The following RTN3 variants were observed in gnomAD, a reference collection of about 807,000 sequenced individuals.
The protein encoded by RTN3 is reticulon 3, also known as reticulon-3.
RTN3 carries 49 observed loss-of-function variants against 77.8 expected under a neutral mutation model. The observed-to-expected ratio is 0.63, with a 90% CI of 0.50 to 0.80. The LOEUF (loss-of-function observed/expected upper bound fraction) is 0.80. RTN3 is among the 30% of genes least tolerant of loss of function. The pLI is 0.00. For synonymous variants in RTN3, 464 were observed against 446.9 expected, an observed-to-expected ratio of 1.04 and a Z score of -0.48; for missense variants, 1,236 against 1,211.9, an observed-to-expected ratio of 1.02 and a Z score of -0.29.
chr11:63,728,277 A>G (rs1402241778), intron 3 of RTN3, among the ~76,000 whole-genome samples: 1 of 152,234 alleles, frequency 6.6e-6, no homozygotes, highest in Non-Finnish European at 1.5e-5. Flanking sequence ...CAGTGCCCAT[A>G]TGACTGAACT....
chr11:63,743,541 A>G (rs1356783173), intron 3 of RTN3, among the ~76,000 whole-genome samples: 1 of 152,146 alleles, frequency 6.6e-6, no homozygotes, highest in Admixed American at 6.5e-5. Context: ...TATTTTTTCA[A>G]AAGAAACACC....
rs138414329 is a variant in RTN3 at position 63,743,193 on chromosome 11, G to A, written c.2531-6798G>A. 2.4e-3 allele frequency among the ~76,000 whole-genome samples: 361 copies of A among 152,228 alleles called. 5 individuals carry two copies. Among genetic ancestry groups the A allele is most frequent in the African/African-American group, 8.1e-3 (335 of 41,566 alleles). On this transcript the variant is annotated intron_variant, in intron 3 of 8. Transcript: ENST00000377819. ...TGGGATTACAGGCATGAGCCACCGCGCCCAGCCTGTTTTTCTTGACTTAGT... is the reference window on the plus strand; with the variant it reads ...TGGGATTACAGGCATGAGCCACCGCACCCAGCCTGTTTTTCTTGACTTAGT...
chr11:63,719,266 C>T lies in RTN3; in HGVS notation c.764C>T (p.Ala255Val). ...ESPFEVIIDKAAFDKEFKDSY... is the reference protein window; with the variant it reads ...ESPFEVIIDKVAFDKEFKDSY... ...CCATTTGAAGTAATTATTGACAAAG[C>T]AGCATTTGACAAAGAATTTAAAGAC... is the stretch of plus-strand genomic sequence containing the variant. Residue 255 changes from alanine to valine, a missense_variant, in exon 3 of 9, where the codon GCA (alanine) becomes GTA (valine). Physicochemically the swap from Ala to Val is moderately conservative, Grantham distance 64. Coordinates refer to ENST00000377819, the MANE Select transcript of RTN3 (RefSeq NM_001265589.2). 1 of 1,613,982 alleles carries T rather than the reference C, an allele frequency of 6.2e-7. No homozygotes were observed. The highest frequency in any genetic ancestry group is 8.5e-7 in the Non-Finnish European group (1 of 1,179,882).
At chr11:63,752,237 CATGAAT>C (rs2014145048) in intron 4 of RTN3, among the ~76,000 whole-genome samples, 1 of 151,120 alleles carries the variant, frequency 6.6e-6, no homozygotes, top group African/African-American at 2.4e-5. Context: ...GATTTACCTT[CATGAAT>C]ATCCAATGAG....
At chr11:63,692,088 T>A (rs1659615717) in intron 1 of RTN3, among the ~76,000 whole-genome samples, 1 of 152,128 alleles carries the variant, frequency 6.6e-6, no homozygotes, top group Non-Finnish European at 1.5e-5. Context: ...AGTGGCGCGA[T>A]CTTGGCTCAC....
chr11:63,749,992 G>A lies in RTN3; in HGVS notation c.2532G>A (p.Val844=), dbSNP rs1376177408. 5 of 1,611,898 alleles carry A rather than the reference G, an allele frequency of 3.1e-6. No individual in the cohort carries two copies. The highest frequency in any genetic ancestry group is 1.1e-5 in the South Asian group (1 of 91,000). ...VLARLLTDFS[V]HDLIFWRDVK... ...TTATATTCCCTTTTCTTTTGTCAGT[G>A]CACGATCTGATTTTCTGGAGAGATG... The change falls in exon 4 of 9, where the codon GTG becomes GTA. Residue 844 remains valine (V), a splice_region_variant and synonymous_variant. Transcript: ENST00000377819.
chr11:63,685,824 A>G (rs905587647), intron 1 of RTN3, among the ~76,000 whole-genome samples: 1 of 152,148 alleles, frequency 6.6e-6, no homozygotes, highest in Admixed American at 6.6e-5. Context: ...ACAGAAAACA[A>G]TTTTGTCTTG....
intron 3 of RTN3, among the ~76,000 whole-genome samples, chr11:63,743,790 C>T (rs2013629800): frequency 6.6e-6 from 1 of 151,944 alleles, no homozygotes; most frequent in Non-Finnish European, 1.5e-5. Context: ...GTGGTGCGCG[C>T]TTGTAATCCC....
At chr11:63,711,397 TA>T (rs1409799961) in intron 2 of RTN3, among the ~76,000 whole-genome samples, 16 of 151,608 alleles carry the variant, frequency 1.1e-4, no homozygotes, top group Admixed American at 9.9e-4. Flanking sequence ...TTTTTTTTGT[TA>T]TTTTTTTTTG....
chr11:63,702,786 C>T (rs543410104), intron 1 of RTN3, among the ~76,000 whole-genome samples: 47 of 151,336 alleles, frequency 3.1e-4, no homozygotes, highest in Non-Finnish European at 5.3e-4. Flanking sequence ...CCTGGGTTCA[C>T]GCCATTCTCC....
intron 3 of RTN3, among the ~76,000 whole-genome samples, chr11:63,724,943 C>T (rs1265735986): frequency 6.7e-6 from 1 of 148,538 alleles, no homozygotes; most frequent in Non-Finnish European, 1.5e-5. Context: ...ATTACACAGT[C>T]ATTGAAGTTG....
chr11:63,758,289 G>T lies in RTN3; in HGVS notation c.*88G>T, dbSNP rs753862166. On this transcript the variant is annotated 3_prime_UTR_variant, in exon 9 of 9. Transcript: ENST00000377819. Reference sequence around the variant, plus strand: ...CTTGTACTATGAAGGAAAATACTCAGTGTCAGCTTGAGCCTGCATTCCAAG... The same window carrying T: ...CTTGTACTATGAAGGAAAATACTCATTGTCAGCTTGAGCCTGCATTCCAAG... The T allele has an allele frequency of 4.1e-5, 66 of 1,613,254 alleles. No individual in the cohort carries two copies. Among genetic ancestry groups the T allele is most frequent in the Non-Finnish European group, 4.8e-5 (57 of 1,179,784 alleles).
chr11:63,700,484 A>G (rs189129828), intron 1 of RTN3, among the ~76,000 whole-genome samples: 2 of 149,364 alleles, frequency 1.3e-5, no homozygotes, highest in Admixed American at 6.7e-5. Context: ...GGATCTCACC[A>G]TGTTGCCCAG....
chr11:63,724,524 C>T (rs547673593), intron 3 of RTN3, among the ~76,000 whole-genome samples: 1 of 128,116 alleles, frequency 7.8e-6, no homozygotes, highest in South Asian at 2.8e-4. Flanking sequence ...CAGAGTCTCA[C>T]CGTGTTGCCC....
intron 7 of RTN3, 135 bp from the exon 8 acceptor site, chr11:63,755,975 TAA>T (rs1258155367): frequency 1.6e-6 from 1 of 635,632 alleles, no homozygotes; most frequent in Non-Finnish European, 2.8e-6. Context: ...AAAAAACTTT[TAA>T]AAACTGGGTG....
chr11:63,749,020 G>A (rs1212016878), intron 3 of RTN3, among the ~76,000 whole-genome samples: 1 of 151,938 alleles, frequency 6.6e-6, no homozygotes, highest in African/African-American at 2.4e-5. Context: ...GGTGGCTCAT[G>A]CCTGTAATCA....
intron 5 of RTN3, 136 bp from the exon 6 acceptor site, chr11:63,752,933 A>G: frequency 1.1e-6 from 1 of 895,648 alleles, no homozygotes; most frequent in Admixed American, 2.1e-5. Context: ...CAAGTAGGGA[A>G]CCTTCATTTG....
chr11:63,712,130 CT>C (rs1368428817), intron 2 of RTN3, among the ~76,000 whole-genome samples: 1 of 152,222 alleles, frequency 6.6e-6, no homozygotes. Context: ...TTTGAATTAT[CT>C]TCCTTAATAT....
rs1324947547 is a variant in RTN3, at chr11:63,753,591, T to C, written c.2948-71T>C. 1.3e-5 allele frequency: 18 copies of C among 1,377,258 alleles called. No individual in the cohort carries two copies. In the Admixed American group the frequency reaches 1.5e-4, roughly 12 times the overall value. The allele number at this position is 1,377,258 out of a possible 1,614,324, so 85.3% of individuals were successfully genotyped here. A position where few individuals can be genotyped will look rare whatever the true frequency, so the allele number is the denominator to read the frequency against. Reference sequence around the variant, plus strand: ...TGTATTTTTTGAGGAAAAATGTATATGTTACTCTGAGTCTTAAGATGTGAC... The same window carrying C: ...TGTATTTTTTGAGGAAAAATGTATACGTTACTCTGAGTCTTAAGATGTGAC... On this transcript the variant is annotated intron_variant, in intron 6 of 8. Transcript: ENST00000377819.
Sources: allele counts gnomAD v4.1 joint callset (sites outside exome capture counted in the v4.1 genomes callset), GRCh38; gene constraint gnomAD v4.1.1; transcripts MANE v1.5; gene names NCBI Gene and HGNC (gene_info 2026-07-23, HGNC 2026-07-21).